Variants in HERC1 observed in about 807,000 individuals in gnomAD.
The protein encoded by HERC1 is HECT and RLD domain containing E3 ubiquitin protein ligase family member 1, also known as probable E3 ubiquitin-protein ligase HERC1.
Under a neutral mutation model 554.3 loss-of-function variants are expected in HERC1, and 160 were observed. The observed-to-expected ratio is 0.29, with a 90% CI of 0.25 to 0.33. HERC1 has a LOEUF of 0.33. Among genes scored for constraint, HERC1 ranks in the 10% least tolerant of loss-of-function variants. HERC1 has a pLI of 1.00. For synonymous variants in HERC1, 2,175 were observed against 2,131.7 expected (o/e 1.02, Z -0.56); for missense variants, 4,919 against 5,918.5 (o/e 0.83, Z 5.54).
In HERC1 at chr15:63,608,619, C is replaced by G. The variant is rs2067468506; in HGVS notation, c.*462G>C. The G allele has an allele frequency of 6.5e-6, 1 of 154,746 alleles. No homozygotes were observed. The highest frequency in any genetic ancestry group is 1.4e-5 in the Non-Finnish European group (1 of 69,506). The allele number at this position is 154,746 out of a possible 1,614,324, so 9.6% of individuals were successfully genotyped here. A position where few individuals can be genotyped will look rare whatever the true frequency, so the allele number is the denominator to read the frequency against. The stretch of plus-strand genomic sequence containing the variant: ...AGGAAGCAATACCAAGAGCCACGCT[C>G]CAATTCCTGAATCTGCTTTATTTCT... On this transcript the variant is annotated 3_prime_UTR_variant, in exon 78 of 78. Coordinates refer to ENST00000443617, the MANE Select transcript of HERC1 (RefSeq NM_003922.4).
intron 1 of HERC1, among the ~76,000 whole-genome samples, chr15:63,812,254 G>A (rs2077347677): frequency 6.6e-6 from 1 of 152,202 alleles, no homozygotes; most frequent in Non-Finnish European, 1.5e-5. Context: ...AAAAATCATA[G>A]GAAGACACAA....
intron 12 of HERC1, among the ~76,000 whole-genome samples, chr15:63,742,569 A>C (rs527368806): frequency 3.6e-4 from 55 of 152,296 alleles, no homozygotes; most frequent in African/African-American, 1.3e-3. Flanking sequence ...GAAGGTTTTC[A>C]GTCTTTCTCC....
intron 12 of HERC1, among the ~76,000 whole-genome samples, chr15:63,745,489 G>A (rs1248434909): frequency 1.3e-5 from 2 of 152,192 alleles, no homozygotes; most frequent in Non-Finnish European, 2.9e-5. Flanking sequence ...CTCCCTCTGT[G>A]CACAGGTGTC....
Position 63,633,988 on chromosome 15 carries a change from T to A in HERC1, c.12571-18A>T. On this transcript the variant is annotated intron_variant, in intron 66 of 77. Transcript: ENST00000443617. ...CAGGCCACCTAAAGAAATAACAGCA[T>A]TCCGTAAGGCAAATCACAAGACCTA... 1 of 1,613,646 alleles carries A rather than the reference T, an allele frequency of 6.2e-7. No homozygotes were observed. The highest frequency in any genetic ancestry group is 8.5e-7 in the Non-Finnish European group (1 of 1,179,674).
chr15:63,623,403 A>C (rs903732109), intron 73 of HERC1, among the ~76,000 whole-genome samples: 4 of 152,256 alleles, frequency 2.6e-5, no homozygotes, highest in Admixed American at 1.3e-4. Context: ...AAATCAGAGC[A>C]CATGGGTGCT....
Position 63,747,193 on chromosome 15 carries a change from C to G in HERC1, c.2355-110G>C, listed in dbSNP as rs896548735. ...AAATTTTGTTGGCTAGGTGCGGTGG[C>G]TCATGCCTGTAATCCCAGCACTTTG... On this transcript the variant is annotated intron_variant, in intron 11 of 77. Transcript: ENST00000443617. The G allele has an allele frequency of 6.6e-6, 6 of 903,170 alleles. No individual in the cohort carries two copies. In the African/African-American group the frequency reaches 1.0e-4, roughly 15 times the overall value. 55.9% of individuals were successfully genotyped at this position (903,170 alleles called of 1,614,324 possible). A position where few individuals can be genotyped will look rare whatever the true frequency, so the allele number is the denominator to read the frequency against.
intron 74 of HERC1, among the ~76,000 whole-genome samples, chr15:63,617,654 A>T (rs1246481155): frequency 6.6e-6 from 1 of 152,160 alleles, no homozygotes; most frequent in South Asian, 2.1e-4. Context: ...ATTTCTCCAC[A>T]TTCTCTCCAG....
intron 40 of HERC1, 89 bp from the exon 41 acceptor site, chr15:63,666,561 T>G: frequency 1.2e-6 from 1 of 841,912 alleles, no homozygotes; most frequent in Non-Finnish European, 1.9e-6. Context: ...TTCCTAGTAT[T>G]GTCCAAGTTT....
At chr15:63,729,730 A>T in intron 14 of HERC1, 81 bp from the exon 15 acceptor site, 1 of 1,412,468 alleles carries the variant, frequency 7.1e-7, no homozygotes, top group South Asian at 1.3e-5. Context: ...TGATTTAAGC[A>T]GCATTATATG....
chr15:63,694,756 C>G lies in HERC1; in HGVS notation c.5242+18G>C. 2 of 1,613,818 alleles carry G rather than the reference C, an allele frequency of 1.2e-6. No homozygotes were observed. Among genetic ancestry groups the G allele is most frequent in the Non-Finnish European group, 1.7e-6 (2 of 1,179,806 alleles). ...AAATGTAACCTGCACTGTACATTTG[C>G]AGGAACCGTTTACTTACCAATGTGA... On this transcript the variant is annotated intron_variant, in intron 28 of 77. Transcript: ENST00000443617. The surrounding 1 kb of genome is among the most constrained non-coding windows in gnomAD (Gnocchi z 4.3).
chr15:63,631,048 G>A (rs546759378), intron 68 of HERC1, among the ~76,000 whole-genome samples: 4 of 152,192 alleles, frequency 2.6e-5, no homozygotes, highest in South Asian at 2.1e-4. Flanking sequence ...GTGCGACCTC[G>A]GCTCACTGCA....
intron 39 of HERC1, among the ~76,000 whole-genome samples, chr15:63,671,373 TAA>T (rs35097725): frequency 1.4e-4 from 20 of 141,860 alleles, no homozygotes; most frequent in Admixed American, 2.1e-4. Flanking sequence ...AGCTGTCTCT[TAA>T]AAAAAAAAAA....
chr15:63,750,324 C>T (rs911455329), intron 8 of HERC1, among the ~76,000 whole-genome samples: 7 of 152,126 alleles, frequency 4.6e-5, no homozygotes, highest in Non-Finnish European at 2.9e-5. Context: ...TCCCCTTAAA[C>T]ATCTTCATTT....
chr15:63,810,009 T>C (rs1043080919), intron 1 of HERC1, among the ~76,000 whole-genome samples: 1 of 152,040 alleles, frequency 6.6e-6, no homozygotes, highest in African/African-American at 2.4e-5. Context: ...AATAATAAAC[T>C]GGTTAAATAA....
intron 50 of HERC1, among the ~76,000 whole-genome samples, chr15:63,654,883 T>C (rs563578278): frequency 1.5e-4 from 23 of 151,212 alleles, no homozygotes; most frequent in Non-Finnish European, 3.0e-4. Flanking sequence ...AAAAAAAAAA[T>C]TTATTATACA....
At chr15:63,781,839 C>A (rs1361405178) in intron 1 of HERC1, among the ~76,000 whole-genome samples, 1 of 152,196 alleles carries the variant, frequency 6.6e-6, no homozygotes, top group Non-Finnish European at 1.5e-5. Context: ...CCAATGAATA[C>A]ATAAATGATA....
At chr15:63,767,304 A>G (rs2142626441) in intron 2 of HERC1, among the ~76,000 whole-genome samples, 1 of 152,090 alleles carries the variant, frequency 6.6e-6, no homozygotes, top group Middle Eastern at 3.4e-3. Context: ...CGCCTGGCCT[A>G]TAGGTTTTAA....
intron 1 of HERC1, among the ~76,000 whole-genome samples, chr15:63,830,245 G>C (rs902729480): frequency 6.6e-6 from 1 of 152,136 alleles, no homozygotes; most frequent in African/African-American, 2.4e-5. Context: ...AATACCACTA[G>C]CAAAAAGACA....
rs1246079374 is a variant in HERC1 at position 63,725,283 on chromosome 15, G to A, written c.3568+9C>T. The A allele has an allele frequency of 6.2e-7, 1 of 1,608,672 alleles. No individual in the cohort carries two copies. Among genetic ancestry groups the A allele is most frequent in the Non-Finnish European group, 8.5e-7 (1 of 1,175,714 alleles). On this transcript the variant is annotated intron_variant, in intron 18 of 77. Transcript: ENST00000443617. ...CATGTATTTTAAATGCTGCAGAGAA[G>A]CACATTACCCAATTGAGGAGTGTCC...
Sources: allele counts gnomAD v4.1 joint callset (sites outside exome capture counted in the v4.1 genomes callset), GRCh38; gene constraint gnomAD v4.1.1; non-coding constraint Gnocchi (gnomAD v3.1); transcripts MANE v1.5; gene names NCBI Gene and HGNC (gene_info 2026-07-23, HGNC 2026-07-21).